The following MACF1 variants were observed in gnomAD, a reference collection of about 807,000 sequenced individuals.
MACF1 encodes microtubule-actin cross-linking factor 1.
A neutral mutation model predicts 854.8 loss-of-function variants in MACF1; 193 were observed. That is an observed-to-expected ratio of 0.23 (90% confidence interval 0.20 to 0.25). The LOEUF is 0.25. Ranked by LOEUF, MACF1 falls within the 10% of genes least tolerant of loss-of-function variation. The probability of loss-of-function intolerance (pLI) is 1.00; values close to 1 mark genes in which losing one functional copy is unlikely to be tolerated. For missense variants in MACF1, 7,722 were observed against 8,929.1 expected (o/e 0.86, Z 5.45); for synonymous variants, 3,185 against 3,226.7 (o/e 0.99, Z 0.44).
intron 2 of MACF1, among the ~76,000 whole-genome samples, chr1:39,184,126 C>A (rs794641): frequency 6.6e-6 from 1 of 152,116 alleles, no homozygotes; most frequent in African/African-American, 2.4e-5. Context: ...TTTCATGAGC[C>A]CTGGTGTGGG....
In MACF1 at chr1:39,105,763, G is replaced by T; in HGVS notation, c.220+21325G>T. 9.2e-7 allele frequency: 1 copy of T among 1,086,466 alleles called. No homozygotes were observed. Among genetic ancestry groups the T allele is most frequent in the Non-Finnish European group, 1.1e-6 (1 of 881,954 alleles). The allele number at this position is 1,086,466 out of a possible 1,614,324, so 67.3% of individuals were successfully genotyped here. On this transcript the variant is annotated intron_variant, in intron 2 of 93. Coordinates refer to the MACF1 transcript ENST00000361689. This position sits in a 1 kb window ranked among gnomAD's most constrained non-coding sequence, Gnocchi z 5.9. ...GCGCTGAGGCCCGCGGGCCGGCGCAGCGTGGCCTTCGGAGCCGGTCGGCTC... is the reference window on the plus strand; with the variant it reads ...GCGCTGAGGCCCGCGGGCCGGCGCATCGTGGCCTTCGGAGCCGGTCGGCTC...
intron 6 of MACF1, among the ~76,000 whole-genome samples, chr1:39,267,007 T>C (rs566354238): frequency 1.1e-3 from 164 of 152,334 alleles, no homozygotes; most frequent in African/African-American, 3.8e-3. Flanking sequence ...ATCTCTTTGA[T>C]TGAGCTCTTG....
chr1:39,300,117 C>A, intron 21 of MACF1, 93 bp from the exon 22 acceptor site: 1 of 1,286,236 alleles, frequency 7.8e-7, no homozygotes, highest in Admixed American at 2.0e-5. Flanking sequence ...AGATGACATT[C>A]TCTGAGGGAG....
rs949517805 is a variant in MACF1, at chr1:39,084,828, T to C, written c.220+390T>C. 2.0e-5 allele frequency among the ~76,000 whole-genome samples: 3 copies of C among 152,216 alleles called. No individual in the cohort carries two copies. The highest frequency in any genetic ancestry group is 1.3e-4 in the Admixed American group (2 of 15,282). On this transcript the variant is annotated intron_variant, in intron 2 of 93. Transcript: ENST00000361689. The surrounding 1 kb of genome is among the most constrained non-coding windows in gnomAD (Gnocchi z 5.2). ...CTTTATGGTTACCATTTCTAAAAGC[T>C]GTCTATTTCATGACTTTCTAAATCC...
chr1:39,298,590 CA>C (rs1251751119), intron 21 of MACF1: 1 of 419,406 alleles, frequency 2.4e-6, no homozygotes, highest in South Asian at 1.8e-5. Flanking sequence ...CAAAACAGTT[CA>C]TTTTTTTTGT....
At chr1:39,355,891 C>T (rs1647517377) in intron 44 of MACF1, among the ~76,000 whole-genome samples, 1 of 152,104 alleles carries the variant, frequency 6.6e-6, no homozygotes, top group African/African-American at 2.4e-5. Context: ...AAGAGACAGT[C>T]TTGCTATGTT....
chr1:39,383,871 C>T (rs895165491), intron 56 of MACF1, among the ~76,000 whole-genome samples: 1 of 150,142 alleles, frequency 6.7e-6, no homozygotes, highest in Non-Finnish European at 1.5e-5. Flanking sequence ...AGCGAGAATC[C>T]GTCTCAAAAA....
chr1:39,105,570 C>A lies in MACF1; in HGVS notation c.220+21132C>A. ...CTGGGGCCGCCGCCGCCTCAGCGCGCGGGCCTGGAACCGGCAGCCCCCGGG... is the reference window on the plus strand; with the variant it reads ...CTGGGGCCGCCGCCGCCTCAGCGCGAGGGCCTGGAACCGGCAGCCCCCGGG... On this transcript the variant is annotated intron_variant, in intron 2 of 93. Coordinates refer to the MACF1 transcript ENST00000361689. This position sits in a 1 kb window ranked among gnomAD's most constrained non-coding sequence, Gnocchi z 5.9. The A allele has an allele frequency of 9.0e-7, 1 of 1,114,494 alleles. No homozygotes were observed. The allele number at this position is 1,114,494 out of a possible 1,614,324, so 69.0% of individuals were successfully genotyped here. A position where few individuals can be genotyped will look rare whatever the true frequency, so the allele number is the denominator to read the frequency against.
Position 39,385,556 on chromosome 1 carries a change from C to T in MACF1, c.13971C>T (p.Leu4657=), listed in dbSNP as rs906340413. ...SLSTSQVQKE[L]QSINQKWVEL... is the part of the protein sequence containing the mutation. Reference sequence around the variant, plus strand: ...CCACCAGCCAAGTACAGAAAGAACTCCAGAGCATCAATCAGAAATGGGTTG... The same window carrying T: ...CCACCAGCCAAGTACAGAAAGAACTTCAGAGCATCAATCAGAAATGGGTTG... Residue 4657 remains leucine, a synonymous_variant, in exon 57 of 101, where the codon CTC becomes CTT. Transcript: ENST00000564288. The T allele has an allele frequency of 1.7e-5, 27 of 1,614,142 alleles. No homozygotes were observed. Among genetic ancestry groups the T allele is most frequent in the Non-Finnish European group, 2.3e-5 (27 of 1,180,022 alleles).
intron 1 of MACF1, chr1:39,206,397 T>C (rs1644451542): frequency 6.6e-6 from 1 of 152,198 alleles, no homozygotes; most frequent in African/African-American, 2.4e-5. Flanking sequence ...TACAATATCA[T>C]TTAGGTAGAG....
intron 23 of MACF1, 50 bp downstream of exon 23, chr1:39,303,128 G>C: frequency 1.3e-6 from 2 of 1,594,808 alleles, no homozygotes; most frequent in Non-Finnish European, 1.7e-6. Flanking sequence ...TGTTGGCCTC[G>C]GTGAACCAGT....
Position 39,388,222 on chromosome 1 carries a change from G to A in MACF1, c.15380G>A (p.Arg5127Gln), listed in dbSNP as rs199498174. The A allele has an allele frequency of 6.8e-5, 109 of 1,614,146 alleles. No individual in the cohort carries two copies. Among genetic ancestry groups the A allele is most frequent in the Non-Finnish European group, 8.0e-5 (94 of 1,180,020 alleles). ...KLEGIGQFHC[R>Q]VREMFSQLAD... ...GAGGGGATTGGCCAGTTTCACTGCC[G>A]GGTCCGAGAGATGTTCTCTCAATTG... is the stretch of plus-strand genomic sequence containing the variant. The change falls in exon 58 of 101, where the codon CGG (arginine) becomes CAG (glutamine). Residue 5127 changes from arginine to glutamine, a missense_variant. Arg to Gln is a conservative substitution (Grantham distance 43, BLOSUM62 1). Transcript: ENST00000564288.
At chr1:39,411,884 T>A (rs774999884) in intron 58 of MACF1, 1 of 1,613,922 alleles carries the variant, frequency 6.2e-7, no homozygotes, top group South Asian at 1.1e-5. Flanking sequence ...TGTGGATATT[T>A]TAATACCCTG....
intron 2 of MACF1, among the ~76,000 whole-genome samples, chr1:39,089,139 C>T (rs1458934294): frequency 1.3e-5 from 2 of 151,820 alleles, no homozygotes; most frequent in East Asian, 1.9e-4. Flanking sequence ...TTCGGGAGGC[C>T]GAGGCAGGAG....
intron 2 of MACF1, among the ~76,000 whole-genome samples, chr1:39,112,700 TGTTCTAGAAAA>T (rs1337695496): frequency 1.3e-5 from 2 of 152,138 alleles, no homozygotes; most frequent in African/African-American, 4.8e-5. Flanking sequence ...AAAAGGACTT[TGTTCTAGAAAA>T]GTCCTGGGAT....
chr1:39,371,038 G>A (rs940151713), intron 51 of MACF1, among the ~76,000 whole-genome samples: 1 of 152,096 alleles, frequency 6.6e-6, no homozygotes, highest in African/African-American at 2.4e-5. Flanking sequence ...AGTGATTAAT[G>A]GCCAGGCGCA....
chr1:39,175,941 C>CAAAA (rs68102262), intron 2 of MACF1, among the ~76,000 whole-genome samples: 1 of 98,564 alleles, frequency 1.0e-5, no homozygotes, highest in African/African-American at 3.8e-5. Context: ...ACTAAAAATA[C>CAAAA]AAAAAAAAAA....
intron 33 of MACF1, 35 bp downstream of exon 33, chr1:39,323,043 T>A (rs774959204): frequency 1.9e-6 from 3 of 1,593,108 alleles, no homozygotes; most frequent in Non-Finnish European, 2.6e-6. Context: ...ATCTTGAAAG[T>A]ACAGTAAAAC....
At chr1:39,411,548 T>C in intron 58 of MACF1, 1 of 1,613,892 alleles carries the variant, frequency 6.2e-7, no homozygotes, top group Non-Finnish European at 8.5e-7. Flanking sequence ...GAGGATATTC[T>C]CGGTGAGGTG....
Sources: allele counts gnomAD v4.1 joint callset (sites outside exome capture counted in the v4.1 genomes callset), GRCh38; gene constraint gnomAD v4.1.1; non-coding constraint Gnocchi (gnomAD v3.1); transcripts MANE v1.5; gene names NCBI Gene and HGNC (gene_info 2026-07-23, HGNC 2026-07-21).